The following LRRC7 variants were observed in gnomAD, a reference collection of about 807,000 sequenced individuals.
LRRC7 encodes leucine-rich repeat-containing protein 7.
Under a neutral mutation model 175.7 loss-of-function variants are expected in LRRC7, and 23 were observed. The observed-to-expected ratio is 0.13, with a 90% CI of 0.09 to 0.19. The LOEUF (loss-of-function observed/expected upper bound fraction) is 0.19. Among genes scored for constraint, LRRC7 ranks in the 10% least tolerant of loss-of-function variants. The probability of loss-of-function intolerance (pLI) is 1.00; values close to 1 mark genes in which losing one functional copy is unlikely to be tolerated. For missense variants in LRRC7, 1,354 were observed against 1,904.7 expected (o/e 0.71, Z 5.38); for synonymous variants, 685 against 680.9 (o/e 1.01, Z -0.09).
intron 2 of LRRC7, among the ~76,000 whole-genome samples, chr1:69,710,831 C>T (rs1045881004): frequency 4.6e-5 from 7 of 152,150 alleles, no homozygotes; most frequent in Admixed American, 1.3e-4. Flanking sequence ...TTCTGCAGGG[C>T]TTATTCATAT....
intron 7 of LRRC7, among the ~76,000 whole-genome samples, chr1:69,888,746 A>G (rs1041792516): frequency 6.6e-6 from 1 of 152,056 alleles, no homozygotes; most frequent in Non-Finnish European, 1.5e-5. Context: ...AGAAGCCGAG[A>G]GTAGAACAGT....
rs536528927 is a variant in LRRC7 at position 69,626,872 on chromosome 1, C to T, written c.3-51509C>T. ...GTTTGCTGAGAATGATGGTTTCCAG[C>T]TTCATCCATGTCCCCACAAAGGACA... On this transcript the variant is annotated intron_variant, in intron 1 of 26. Coordinates refer to ENST00000651989, the MANE Select transcript of LRRC7 (RefSeq NM_001370785.2). Among the ~76,000 whole-genome samples the T allele has an allele frequency of 1.4e-3, 215 of 152,064 alleles. 1 individual carries two copies. The highest frequency in any genetic ancestry group is 5.1e-3 in the African/African-American group (211 of 41,484).
chr1:69,890,981 G>A (rs1570530481), intron 7 of LRRC7, among the ~76,000 whole-genome samples: 1 of 152,212 alleles, frequency 6.6e-6, no homozygotes, highest in Non-Finnish European at 1.5e-5. Flanking sequence ...TTGATCTTCT[G>A]TCCAGACCAC....
At chr1:69,871,276 G>A (rs1468815768) in intron 7 of LRRC7, among the ~76,000 whole-genome samples, 1 of 151,952 alleles carries the variant, frequency 6.6e-6, no homozygotes, top group East Asian at 1.9e-4. Context: ...GTTCAATAGT[G>A]GGCTGAGACT....
At chr1:69,906,081 A>C (rs2211662) in intron 7 of LRRC7, among the ~76,000 whole-genome samples, 84,442 of 152,026 alleles carry the variant, frequency 0.56, 23,516 homozygotes, top group East Asian at 0.7. Flanking sequence ...TGTTCATATC[A>C]TTCACCCACT....
intron 5 of LRRC7, among the ~76,000 whole-genome samples, chr1:69,828,691 TTTTATC>T (rs1384521549): frequency 6.6e-6 from 1 of 152,080 alleles, no homozygotes; most frequent in East Asian, 1.9e-4. Flanking sequence ...TGAGTTACAC[TTTTATC>T]TTTATTTTCC....
At chr1:69,962,688 A>T (rs553195981) in intron 8 of LRRC7, among the ~76,000 whole-genome samples, 1 of 152,272 alleles carries the variant, frequency 6.6e-6, no homozygotes, top group East Asian at 1.9e-4. Flanking sequence ...ACATGGATGG[A>T]GCTGGAGGCC....
intron 10 of LRRC7, among the ~76,000 whole-genome samples, chr1:69,990,796 A>G (rs1309990694): frequency 2.6e-5 from 4 of 152,208 alleles, no homozygotes; most frequent in African/African-American, 9.6e-5. Context: ...GTAAAAATAA[A>G]TTCAAATTGT....
At chr1:69,656,218 T>C (rs771766461) in intron 1 of LRRC7, among the ~76,000 whole-genome samples, 113 of 152,040 alleles carry the variant, frequency 7.4e-4, no homozygotes, top group Non-Finnish European at 1.5e-3. Flanking sequence ...GAAACATGCT[T>C]ACTTTTTTGT....
At chr1:69,651,789 G>C (rs1655869072) in intron 1 of LRRC7, among the ~76,000 whole-genome samples, 2 of 152,102 alleles carry the variant, frequency 1.3e-5, no homozygotes, top group African/African-American at 4.8e-5. Context: ...GAGAAGAGTG[G>C]AACATGCATG....
At chr1:69,830,872 G>A in intron 5 of LRRC7, among the ~76,000 whole-genome samples, 1 of 151,748 alleles carries the variant, frequency 6.6e-6, no homozygotes, top group Non-Finnish European at 1.5e-5. Flanking sequence ...TTTGCATGCT[G>A]GTTTTTCATA....
chr1:69,708,830 G>C (rs2100724956), intron 2 of LRRC7, among the ~76,000 whole-genome samples: 1 of 152,266 alleles, frequency 6.6e-6, no homozygotes, highest in East Asian at 1.9e-4. Context: ...GGCAGAAATG[G>C]AACAATGTGA....
In LRRC7 at chr1:69,852,659, G is replaced by T. The variant is rs564216844; in HGVS notation, c.647+14376G>T. ...ACATGGCTTAAACTGACACTTTTCG[G>T]TTATATGTGGACTTTATTTGCTTTC... On this transcript the variant is annotated intron_variant, in intron 7 of 26. Transcript: ENST00000651989. 1.8e-4 allele frequency among the ~76,000 whole-genome samples: 28 copies of T among 152,124 alleles called. No individual in the cohort carries two copies. The South Asian group carries it at 5.8e-3, about 32-fold the overall frequency.
intron 1 of LRRC7, among the ~76,000 whole-genome samples, chr1:69,658,508 T>A (rs969676907): frequency 2.0e-5 from 3 of 151,982 alleles, no homozygotes; most frequent in African/African-American, 7.2e-5. Context: ...TAGGTAAGAA[T>A]TGAAGGTAGA....
intron 8 of LRRC7, among the ~76,000 whole-genome samples, chr1:69,932,163 T>A (rs967323295): frequency 1.3e-5 from 2 of 152,230 alleles, no homozygotes; most frequent in Non-Finnish European, 2.9e-5. Flanking sequence ...CAGATGCAAA[T>A]CAGAAAGCAT....
intron 2 of LRRC7, among the ~76,000 whole-genome samples, chr1:69,742,428 G>A (rs1224775213): frequency 5.3e-5 from 8 of 151,464 alleles, no homozygotes; most frequent in African/African-American, 1.9e-4. Flanking sequence ...AACATTTTAT[G>A]AGTAAAATAA....
chr1:70,009,708 A>C (rs1656324652), intron 11 of LRRC7, among the ~76,000 whole-genome samples: 1 of 152,198 alleles, frequency 6.6e-6, no homozygotes, highest in Non-Finnish European at 1.5e-5. Flanking sequence ...TGTCAATATA[A>C]AAGGAAAAAT....
Position 69,615,124 on chromosome 1 carries a change from C to T in LRRC7, c.2+46483C>T, listed in dbSNP as rs149300491. 5.3e-3 allele frequency among the ~76,000 whole-genome samples: 811 copies of T among 152,136 alleles called. 9 individuals are homozygous for T. Among genetic ancestry groups the T allele is most frequent in the African/African-American group, 0.019 (791 of 41,548 alleles). The stretch of plus-strand genomic sequence containing the variant: ...TGTTAAATTTTATCACCAATAATCC[C>T]TTTTATGAAGAATTTATAAACACTT... On this transcript the variant is annotated intron_variant, in intron 1 of 26. Coordinates refer to ENST00000651989, the MANE Select transcript of LRRC7 (RefSeq NM_001370785.2).
At chr1:70,102,292 G>A (rs745957313) in intron 25 of LRRC7, among the ~76,000 whole-genome samples, 51 of 152,168 alleles carry the variant, frequency 3.4e-4, no homozygotes, top group Non-Finnish European at 5.7e-4. Context: ...CCATAGATGA[G>A]GCAGGAGGAA....
Sources: allele counts gnomAD v4.1 joint callset (sites outside exome capture counted in the v4.1 genomes callset), GRCh38; gene constraint gnomAD v4.1.1; transcripts MANE v1.5; gene names NCBI Gene and HGNC (gene_info 2026-07-23, HGNC 2026-07-21).